The following MEI4 variants were observed in gnomAD, a reference collection of about 807,000 sequenced individuals.
MEI4 encodes the protein meiosis-specific protein MEI4.
In MEI4, 27 loss-of-function variants were observed where a neutral mutation model predicts 31.4. The observed-to-expected ratio is 0.86, with a 90% CI of 0.63 to 1.19. The LOEUF (loss-of-function observed/expected upper bound fraction) is 1.19, where lower values mean the gene tolerates loss of function less well. Ranked by LOEUF, MEI4 falls within the 50% of genes most tolerant of loss-of-function variation. MEI4 has a pLI of 0.00. For missense variants in MEI4, 329 were observed against 398.9 expected, an observed-to-expected ratio of 0.82 and a Z score of 1.49; for synonymous variants, 122 against 145.4, an observed-to-expected ratio of 0.84 and a Z score of 1.16.
chr6:77,853,667 G>A (rs1295736519), intron 4 of MEI4, among the ~76,000 whole-genome samples: 2 of 152,118 alleles, frequency 1.3e-5, no homozygotes, highest in East Asian at 3.9e-4. Context: ...TTGAGGTTTA[G>A]TATTTCAGAA....
At chr6:77,895,573 T>C (rs1175027564) in intron 4 of MEI4, among the ~76,000 whole-genome samples, 1 of 152,154 alleles carries the variant, frequency 6.6e-6, no homozygotes, top group Non-Finnish European at 1.5e-5. Context: ...TCTCCCACCC[T>C]ATGACTATTC....
intron 4 of MEI4, among the ~76,000 whole-genome samples, chr6:77,856,373 A>T (rs1582220220): frequency 6.6e-6 from 1 of 152,252 alleles, no homozygotes; most frequent in South Asian, 2.1e-4. Context: ...GTGCCTATCT[A>T]ATCTCAGAAT....
At chr6:77,913,307 G>C (rs555257167) in intron 4 of MEI4, among the ~76,000 whole-genome samples, 1 of 152,084 alleles carries the variant, frequency 6.6e-6, no homozygotes, top group African/African-American at 2.4e-5. Flanking sequence ...CTCTTAGAAC[G>C]AATTAGGGAG....
chr6:77,775,103 C>T (rs79385799), intron 3 of MEI4, among the ~76,000 whole-genome samples: 2,884 of 152,144 alleles, frequency 0.019, 65 homozygotes, highest in East Asian at 0.088. Flanking sequence ...ATATTTGCGA[C>T]GGCATTTAGG....
chr6:77,751,288 G>GA (rs1488702995), intron 2 of MEI4, among the ~76,000 whole-genome samples: 2 of 151,424 alleles, frequency 1.3e-5, no homozygotes, highest in Admixed American at 6.6e-5. Flanking sequence ...GAAGGAGATA[G>GA]AAACACACAA....
chr6:77,917,692 A>G (rs34848848), intron 4 of MEI4, among the ~76,000 whole-genome samples: 12,528 of 126,864 alleles, frequency 0.099, 659 homozygotes, highest in East Asian at 0.29. Context: ...AGTAGGTTGC[A>G]AAAATTTTCT....
At chr6:77,678,295 G>C (rs1768882571) in intron 1 of MEI4, among the ~76,000 whole-genome samples, 3 of 152,200 alleles carry the variant, frequency 2.0e-5, no homozygotes, top group Admixed American at 1.3e-4. Flanking sequence ...ACCAAGGCCT[G>C]GCTGTGATGT....
chr6:77,663,386 C>T (rs28791180), intron 1 of MEI4, among the ~76,000 whole-genome samples: 115,982 of 149,994 alleles, frequency 0.77, 45,085 homozygotes, highest in African/African-American at 0.86. Flanking sequence ...TAGAGGTGTC[C>T]TATACTTGTG....
chr6:77,833,859 C>T (rs1438906446), intron 4 of MEI4, among the ~76,000 whole-genome samples: 2 of 152,140 alleles, frequency 1.3e-5, no homozygotes, highest in African/African-American at 4.8e-5. Context: ...TTGTTCAACT[C>T]CCACTTATGA....
chr6:77,755,581 G>A (rs1193589919), intron 2 of MEI4, among the ~76,000 whole-genome samples: 2 of 151,950 alleles, frequency 1.3e-5, no homozygotes, highest in African/African-American at 4.8e-5. Flanking sequence ...ACCACACCCG[G>A]CTAACTTTTG....
intron 3 of MEI4, among the ~76,000 whole-genome samples, chr6:77,790,114 A>C (rs570617591): frequency 6.6e-6 from 1 of 152,050 alleles, no homozygotes; most frequent in Non-Finnish European, 1.5e-5. Flanking sequence ...AGGGACATGA[A>C]TGAAGCTGGA....
At position 77,896,954 on chromosome 6, in the gene MEI4, TAACA is replaced by T. The variant is rs1766094893; in HGVS notation, c.901-26134_901-26131del. ...GGTAAAAATATGACAGTAACGATAA[TAACA>T]GACAGTAGATAACACTTACTTGAAC... On this transcript the variant is annotated intron_variant, in intron 4 of 4. Coordinates refer to ENST00000684080, the MANE Select transcript of MEI4 (RefSeq NM_001322247.2). Among the ~76,000 whole-genome samples, 5 of 152,102 alleles carry T rather than the reference TAACA, an allele frequency of 3.3e-5. No individual in the cohort carries two copies. The South Asian group carries it at 1.0e-3, about 32-fold the overall frequency.
At chr6:77,671,698 G>C (rs976024341) in intron 1 of MEI4, among the ~76,000 whole-genome samples, 1 of 88,636 alleles carries the variant, frequency 1.1e-5, no homozygotes, top group Non-Finnish European at 2.1e-5. Context: ...TTGTCTCAAA[G>C]TGGTCATAGC....
intron 3 of MEI4, among the ~76,000 whole-genome samples, chr6:77,776,704 T>C (rs1768450715): frequency 6.6e-6 from 1 of 152,126 alleles, no homozygotes; most frequent in African/African-American, 2.4e-5. Context: ...GAAGCCTCTG[T>C]AGTTTCTGGA....
intron 4 of MEI4, among the ~76,000 whole-genome samples, chr6:77,881,949 A>T (rs1013707830): frequency 6.6e-6 from 1 of 152,240 alleles, no homozygotes; most frequent in African/African-American, 2.4e-5. Context: ...ACCACCTGGA[A>T]TTAGTGCAGG....
intron 2 of MEI4, among the ~76,000 whole-genome samples, chr6:77,712,902 C>T (rs901277591): frequency 2.0e-5 from 3 of 150,758 alleles, no homozygotes; most frequent in Admixed American, 6.6e-5. Flanking sequence ...ACCCGGGAGG[C>T]GGAGCTTGCA....
At chr6:77,733,337 C>T (rs1767072309) in intron 2 of MEI4, among the ~76,000 whole-genome samples, 3 of 152,160 alleles carry the variant, frequency 2.0e-5, no homozygotes, top group South Asian at 2.1e-4. Flanking sequence ...GATTCAACTT[C>T]TTCCTGGTTT....
upstream of MEI4, among the ~76,000 whole-genome samples, chr6:77,650,343 G>A (rs1204125256): frequency 6.6e-6 from 1 of 152,222 alleles, no homozygotes; most frequent in Non-Finnish European, 1.5e-5. Context: ...AAGAGGGGCA[G>A]AAGGGGTCGA....
chr6:77,896,795 C>T (rs1240431994), intron 4 of MEI4, among the ~76,000 whole-genome samples: 1 of 152,040 alleles, frequency 6.6e-6, no homozygotes, highest in East Asian at 1.9e-4. Context: ...GTTCTTTACA[C>T]ATCTCTAGAT....
Sources: gnomAD v4.1 joint callset for allele counts (sites outside exome capture counted in the v4.1 genomes callset) on GRCh38, gnomAD v4.1.1 for gene constraint, MANE v1.5 for transcripts, NCBI Gene and HGNC (gene_info 2026-07-23, HGNC 2026-07-21) for gene names.